Variants in MASTL observed in about 807,000 individuals in gnomAD.
The protein encoded by MASTL is serine/threonine-protein kinase greatwall.
Under a neutral mutation model 82.5 loss-of-function variants are expected in MASTL, and 54 were observed. The observed-to-expected ratio is 0.65, with a 90% CI of 0.53 to 0.82. MASTL has a LOEUF of 0.82. Ranked by LOEUF, MASTL falls within the 40% of genes least tolerant of loss-of-function variation. MASTL has a pLI of 0.00. For synonymous variants in MASTL, 323 were observed against 368.9 expected (o/e 0.88, Z 1.43); for missense variants, 950 against 1,047.8 (o/e 0.91, Z 1.29).
intron 9 of MASTL, among the ~76,000 whole-genome samples, chr10:27,176,932 G>A (rs1462341296): frequency 1.3e-5 from 2 of 149,368 alleles, no homozygotes; most frequent in East Asian, 4.0e-4. Context: ...TGCAACTCCC[G>A]CCTCCTGGGT....
rs2058294213 is a variant in MASTL, at chr10:27,181,384, T to TC, written c.2381-94dup. On this transcript the variant is annotated intron_variant, in intron 10 of 11. Transcript: ENST00000375940. ...CCAGCCTGGGTGACAAGAGTGAAAC[T>TC]CCATCTCAAAAAACAAAAAAAAGTA... 3 of 906,660 alleles carry TC rather than the reference T, an allele frequency of 3.3e-6. No homozygotes were observed. The South Asian group carries it at 4.0e-5, about 12-fold the overall frequency. The allele number at this position is 906,660 out of a possible 1,614,324, so 56.2% of individuals were successfully genotyped here.
chr10:27,155,433 C>T lies in MASTL; in HGVS notation c.7C>T (p.Pro3Ser). ...CGCTGTATGCTGTCCAGCGATGGAT[C>T]CCACCGCGGGAAGCAAGAAGGAGCC... MD[P>S]TAGSKKEPGG... Residue 3 changes from proline (P) to serine (S), a missense_variant, in exon 1 of 12, where the codon CCC becomes TCC. Coordinates refer to ENST00000375940, the MANE Select transcript of MASTL (RefSeq NM_001172303.3). 6.2e-7 allele frequency: 1 copy of T among 1,609,494 alleles called. No homozygotes were observed. Among genetic ancestry groups the T allele is most frequent in the Non-Finnish European group, 8.5e-7 (1 of 1,178,462 alleles).
In MASTL at chr10:27,155,409, G is replaced by A. The variant is rs369365473; in HGVS notation, c.-18G>A. On this transcript the variant is annotated 5_prime_UTR_variant, in exon 1 of 12. Coordinates refer to ENST00000375940, the MANE Select transcript of MASTL (RefSeq NM_001172303.3). ...GCGGAGGGGCAGTGTCTGCGGGGCCGCTGTATGCTGTCCAGCGATGGATCC... is the reference window on the plus strand; with the variant it reads ...GCGGAGGGGCAGTGTCTGCGGGGCCACTGTATGCTGTCCAGCGATGGATCC... 4 of 1,592,808 alleles carry A rather than the reference G, an allele frequency of 2.5e-6. No homozygotes were observed. The highest frequency in any genetic ancestry group is 3.6e-5 in the Admixed American group (2 of 56,136).
intron 9 of MASTL, among the ~76,000 whole-genome samples, chr10:27,177,122 C>G (rs1303765542): frequency 6.6e-6 from 1 of 152,150 alleles, no homozygotes; most frequent in Non-Finnish European, 1.5e-5. Context: ...GCTGGGATTA[C>G]AGGTATGAGC....
chr10:27,158,790 C>A, intron 2 of MASTL, 104 bp downstream of exon 2: 1 of 1,262,542 alleles, frequency 7.9e-7, no homozygotes, highest in Non-Finnish European at 1.2e-6. Flanking sequence ...CATTTGAATT[C>A]TGGCTGCACT....
At chr10:27,177,360 T>C (rs2058134034) in intron 9 of MASTL, among the ~76,000 whole-genome samples, 1 of 152,248 alleles carries the variant, frequency 6.6e-6, no homozygotes, top group South Asian at 2.1e-4. Context: ...TTCTGTATTA[T>C]AATTTGCATT....
rs564441258 is a variant in MASTL, at chr10:27,165,483, C to T, written c.755C>T (p.Pro252Leu). The change falls in exon 6 of 12, where the codon CCT (proline) becomes CTT (leucine). Residue 252 changes from proline (P) to leucine (L), a missense_variant. Pro to Leu is a moderately conservative substitution (Grantham distance 98). Coordinates refer to ENST00000375940, the MANE Select transcript of MASTL (RefSeq NM_001172303.3). ...CAGCTTTCTCAAGGACTCGTATGCC[C>T]TATGTCTGTAGATCAAAAGGACACT... ...TSQLSQGLVC[P>L]MSVDQKDTTP... 2.5e-6 allele frequency: 4 copies of T among 1,614,090 alleles called. No individual in the cohort carries two copies. Among genetic ancestry groups the T allele is most frequent in the South Asian group, 2.2e-5 (2 of 91,084 alleles).
intron 8 of MASTL, among the ~76,000 whole-genome samples, chr10:27,171,954 G>C (rs1348976693): frequency 1.4e-5 from 2 of 145,370 alleles, no homozygotes; most frequent in Non-Finnish European, 3.0e-5. Flanking sequence ...TCAGCCTCCT[G>C]AGTAGCTAGG....
At chr10:27,163,015 C>G (rs1283739594) in intron 4 of MASTL, among the ~76,000 whole-genome samples, 1 of 152,052 alleles carries the variant, frequency 6.6e-6, no homozygotes, top group East Asian at 1.9e-4. Flanking sequence ...CTCCCGGGTT[C>G]AAGCAATTCT....
chr10:27,167,048 G>C lies in MASTL; in HGVS notation c.812-54G>C. ...AATTATATGTAAAGATTCAGGTTCAGTAAGGAACTAAGAAAGCTGTAACAT... is the reference window on the plus strand; with the variant it reads ...AATTATATGTAAAGATTCAGGTTCACTAAGGAACTAAGAAAGCTGTAACAT... On this transcript the variant is annotated intron_variant, in intron 6 of 11. Coordinates refer to ENST00000375940, the MANE Select transcript of MASTL (RefSeq NM_001172303.3). The C allele has an allele frequency of 3.5e-6, 5 of 1,432,488 alleles. No homozygotes were observed. In the South Asian group the frequency reaches 5.8e-5, roughly 16 times the overall value. 88.7% of individuals were successfully genotyped at this position (1,432,488 alleles called of 1,614,324 possible).
chr10:27,158,981 C>T (rs1014266644), intron 2 of MASTL, among the ~76,000 whole-genome samples: 4 of 152,236 alleles, frequency 2.6e-5, no homozygotes, highest in Non-Finnish European at 5.9e-5. Flanking sequence ...AGAAAGATCA[C>T]TTGAGGCCAA....
chr10:27,167,306 A>T, intron 7 of MASTL, 32 bp downstream of exon 7: 1 of 1,551,052 alleles, frequency 6.4e-7, no homozygotes, highest in Non-Finnish European at 8.9e-7. Context: ...ATGAAAATCA[A>T]TTATGTATGT....
upstream of MASTL, chr10:27,155,226 G>A (rs1373711139): frequency 4.3e-5 from 26 of 609,330 alleles, no homozygotes; most frequent in Non-Finnish European, 6.6e-5. Context: ...CCCACGAAGA[G>A]TGTAAGGCTG....
At chr10:27,185,847 T>G (rs899825532) in intron 11 of MASTL, among the ~76,000 whole-genome samples, 1 of 151,680 alleles carries the variant, frequency 6.6e-6, no homozygotes, top group Non-Finnish European at 1.5e-5. Flanking sequence ...CCCAGCACTT[T>G]GGAAGGCCAA....
At chr10:27,166,967 A>T in intron 6 of MASTL, 135 bp from the exon 7 acceptor site, 1 of 712,602 alleles carries the variant, frequency 1.4e-6, no homozygotes, top group Non-Finnish European at 2.4e-6. Context: ...ACAAAGAAAT[A>T]GTTCTGATAT....
At chr10:27,186,295 C>A in intron 11 of MASTL, 84 bp from the exon 12 acceptor site, 5 of 1,325,852 alleles carry the variant, frequency 3.8e-6, no homozygotes, top group Non-Finnish European at 5.4e-6. Context: ...ATATGTGAGA[C>A]ATTCTCTTTT....
At chr10:27,171,501 T>G (rs897264568) in intron 8 of MASTL, among the ~76,000 whole-genome samples, 1 of 151,500 alleles carries the variant, frequency 6.6e-6, no homozygotes, top group African/African-American at 2.4e-5. Flanking sequence ...AGTGTGATCT[T>G]GGCTCATTGC....
At chr10:27,164,418 T>C (rs1027443107) in intron 4 of MASTL, among the ~76,000 whole-genome samples, 3 of 152,250 alleles carry the variant, frequency 2.0e-5, no homozygotes, top group African/African-American at 7.2e-5. Flanking sequence ...GGATTACAGA[T>C]GTGAGCCACC....
At position 27,186,399 on chromosome 10, in the gene MASTL, T is replaced by G. The variant is rs755274713; in HGVS notation, c.2503T>G (p.Phe835Val). 1 of 1,614,188 alleles carries G rather than the reference T, an allele frequency of 6.2e-7. No homozygotes were observed. The highest frequency in any genetic ancestry group is 8.5e-7 in the Non-Finnish European group (1 of 1,180,016). The change falls in exon 12 of 12, where the codon TTC becomes GTC. Residue 835 changes from phenylalanine to valine, a missense_variant. Phe to Val is a conservative substitution (Grantham distance 50). Transcript: ENST00000375940. ...GMKELKRHPLFSDVDWENLQH... is the reference protein window; with the variant it reads ...GMKELKRHPLVSDVDWENLQH... ...CTAAGAGCTAAAACGTCATCCTCTC[T>G]TCAGTGATGTGGACTGGGAAAATCT...
Sources: allele counts gnomAD v4.1 joint callset (sites outside exome capture counted in the v4.1 genomes callset), GRCh38; gene constraint gnomAD v4.1.1; transcripts MANE v1.5; gene names NCBI Gene and HGNC (gene_info 2026-07-23, HGNC 2026-07-21).